Variants in MOSPD1 observed in about 807,000 individuals in gnomAD.
MOSPD1 encodes motile sperm domain-containing protein 1.
In MOSPD1, 5 loss-of-function variants were observed where a neutral mutation model predicts 16.7. That is an observed-to-expected ratio of 0.30 (90% CI 0.16 to 0.63). The LOEUF (loss-of-function observed/expected upper bound fraction) is 0.63, where lower values mean the gene tolerates loss of function less well. MOSPD1 is among the 30% of genes least tolerant of loss of function. The pLI, the probability that MOSPD1 is intolerant of heterozygous loss-of-function variation, is 0.82. For synonymous variants in MOSPD1, 67 were observed against 59.2 expected, an observed-to-expected ratio of 1.13 and a Z score of -0.61; for missense variants, 104 against 153.6, an observed-to-expected ratio of 0.68 and a Z score of 1.71.
At chrX:134,913,139 C>T (rs1048604621) in intron 1 of MOSPD1, among the ~76,000 whole-genome samples, 2 of 109,288 alleles carry the variant, frequency 1.8e-5, no homozygotes, top group African/African-American at 6.8e-5. Flanking sequence ...TTTGGGAGAC[C>T]GAGGGGGGGC....
At chrX:134,914,941 G>C (rs1018835593) in intron 1 of MOSPD1, among the ~76,000 whole-genome samples, 3 of 112,589 alleles carry the variant, frequency 2.7e-5, no homozygotes, top group Non-Finnish European at 5.6e-5. Context: ...CCAGACCCTG[G>C]GGCCGGGCGC....
intron 5 of MOSPD1, among the ~76,000 whole-genome samples, chrX:134,889,564 C>T (rs766995982): frequency 8.9e-6 from 1 of 111,784 alleles, no homozygotes; most frequent in Admixed American, 9.5e-5. Flanking sequence ...TATCCCAGGG[C>T]CCTAGGGCCA....
intron 3 of MOSPD1, among the ~76,000 whole-genome samples, chrX:134,898,149 G>A (rs1395871301): frequency 9.0e-6 from 1 of 111,618 alleles, no homozygotes; most frequent in Non-Finnish European, 1.9e-5. Context: ...AAAGTGCTGG[G>A]ATTACAGGCG....
intron 4 of MOSPD1, among the ~76,000 whole-genome samples, chrX:134,894,542 T>C (rs1256865472): frequency 8.9e-6 from 1 of 111,950 alleles, no homozygotes; most frequent in African/African-American, 3.2e-5. Context: ...TTCCTGTAAA[T>C]TTAATAGACA....
intron 4 of MOSPD1, among the ~76,000 whole-genome samples, chrX:134,895,151 A>G (rs941990205): frequency 9.1e-6 from 1 of 110,087 alleles, no homozygotes; most frequent in Non-Finnish European, 1.9e-5. Flanking sequence ...GAGGCTAGGT[A>G]AGACGAGCCT....
intron 4 of MOSPD1, among the ~76,000 whole-genome samples, chrX:134,896,176 C>A (rs181486667): frequency 9.0e-6 from 1 of 110,810 alleles, no homozygotes; most frequent in South Asian, 3.8e-4. Flanking sequence ...GTTAAGAAGA[C>A]GGGATAATGA....
At position 134,888,487 on chromosome X, in the gene MOSPD1, AAG is replaced by A. The variant is rs764948291; in HGVS notation, c.*672_*673del. The A allele has an allele frequency of 9.0e-6, 1 of 111,296 alleles. No individual in the cohort carries two copies. The highest frequency in any genetic ancestry group is 3.9e-4 in the South Asian group (1 of 2,589). The allele number at this position is 111,296 out of a possible 1,213,427, so 9.2% of individuals were successfully genotyped here. On this transcript the variant is annotated 3_prime_UTR_variant, in exon 6 of 6. Transcript: ENST00000370783. ...ACCTTCCTTTAGAACTCTTAGACCAAAGAGAGAGGTCACCCTACTTCTATTAG... is the reference window on the plus strand; with the variant it reads ...ACCTTCCTTTAGAACTCTTAGACCAAAGAGAGGTCACCCTACTTCTATTAG...
intron 1 of MOSPD1, 168 bp from the exon 2 acceptor site, chrX:134,899,702 G>A: frequency 4.3e-6 from 1 of 231,685 alleles, no homozygotes; most frequent in East Asian, 7.6e-5. Context: ...GTCGAGGCAG[G>A]CATATCACTT....
chrX:134,909,583 T>C (rs1335052979), intron 1 of MOSPD1, among the ~76,000 whole-genome samples: 1 of 112,055 alleles, frequency 8.9e-6, no homozygotes, highest in Non-Finnish European at 1.9e-5. Flanking sequence ...TATGTTATTT[T>C]CCTTTAGTCT....
At chrX:134,907,055 C>T (rs7890999) in intron 1 of MOSPD1, among the ~76,000 whole-genome samples, 7,308 of 110,355 alleles carry the variant, frequency 0.066, 585 homozygotes, top group African/African-American at 0.23. Context: ...ATGGTGAAAC[C>T]CTGTCTGTAC....
At chrX:134,893,333 A>G (rs2082871031) in intron 4 of MOSPD1, among the ~76,000 whole-genome samples, 1 of 109,988 alleles carries the variant, frequency 9.1e-6, no homozygotes, top group Non-Finnish European at 1.9e-5. Context: ...TCTCAAAGAA[A>G]ACAGTTATTT....
chrX:134,908,901 G>C (rs2082956506), intron 1 of MOSPD1, among the ~76,000 whole-genome samples: 1 of 112,080 alleles, frequency 8.9e-6, no homozygotes, highest in African/African-American at 3.2e-5. Flanking sequence ...ACAAAACTTA[G>C]AGACCGTTAA....
chrX:134,894,728 A>C (rs1313477981), intron 4 of MOSPD1, among the ~76,000 whole-genome samples: 1 of 111,725 alleles, frequency 9.0e-6, no homozygotes, highest in East Asian at 2.8e-4. Context: ...ATAGCCATGA[A>C]AACCTTGTAA....
rs906754742 is a variant in MOSPD1, at chrX:134,899,491, A to G, written c.-58T>C. 5.7e-6 allele frequency: 6 copies of G among 1,057,481 alleles called. No individual in the cohort carries two copies. The Admixed American group carries it at 1.1e-4, about 19-fold the overall frequency. 87.1% of individuals were successfully genotyped at this position (1,057,481 alleles called of 1,213,427 possible). On this transcript the variant is annotated 5_prime_UTR_variant, in exon 2 of 6. Transcript: ENST00000370783. ...TTTTACAGTCTCAAATCTATTTTGG[A>G]CTTTTCTTAGATTCAGTTAAAAACT...
At chrX:134,897,652 C>T (rs1603255644) in intron 3 of MOSPD1, among the ~76,000 whole-genome samples, 1 of 103,184 alleles carries the variant, frequency 9.7e-6, no homozygotes, top group Non-Finnish European at 2.0e-5. Context: ...AATAGGAATA[C>T]ATGCAATTGT....
chrX:134,892,013 C>T (rs753248873), intron 4 of MOSPD1, among the ~76,000 whole-genome samples: 64 of 112,193 alleles, frequency 5.7e-4, no homozygotes, highest in Non-Finnish European at 1.1e-3. Flanking sequence ...TAATATAAAA[C>T]ATACAAATAG....
intron 1 of MOSPD1, chrX:134,899,979 A>ATTG (rs1186841713): frequency 3.6e-5 from 4 of 111,660 alleles, no homozygotes; most frequent in Non-Finnish European, 5.6e-5. Flanking sequence ...AAATCACTTA[A>ATTG]ACATGGCTTT....
intron 3 of MOSPD1, among the ~76,000 whole-genome samples, chrX:134,897,913 G>A (rs1335881444): frequency 8.9e-6 from 1 of 111,983 alleles, no homozygotes; most frequent in Admixed American, 9.5e-5. Context: ...TTGTTGCCCA[G>A]GCTGGAGCGC....
chrX:134,911,982 G>A (rs183181353), intron 1 of MOSPD1, among the ~76,000 whole-genome samples: 48 of 112,438 alleles, frequency 4.3e-4, no homozygotes, highest in Non-Finnish European at 8.8e-4. Context: ...TCAATTTCCC[G>A]ATGAAAAGAG....
Sources: allele counts gnomAD v4.1 joint callset (sites outside exome capture counted in the v4.1 genomes callset), GRCh38; gene constraint gnomAD v4.1.1; transcripts MANE v1.5; gene names NCBI Gene and HGNC (gene_info 2026-07-23, HGNC 2026-07-21).